The following SEC61A2 variants were observed in gnomAD, a reference collection of about 807,000 sequenced individuals.
SEC61A2 encodes SEC61 translocon subunit alpha 2, also known as protein transport protein Sec61 subunit alpha isoform 2.
A neutral mutation model predicts 59.9 loss-of-function variants in SEC61A2; 28 were observed. The observed-to-expected ratio is 0.47, with a 90% CI of 0.35 to 0.64. The LOEUF is 0.64. Among genes scored for constraint, SEC61A2 ranks in the 30% least tolerant of loss-of-function variants. The pLI is 0.01. For missense variants in SEC61A2, 340 were observed against 585.9 expected, an observed-to-expected ratio of 0.58 and a Z score of 4.33; for synonymous variants, 202 against 214.4, an observed-to-expected ratio of 0.94 and a Z score of 0.50.
rs759356867 is a variant in SEC61A2 at position 12,149,617 on chromosome 10, C to T, written c.243C>T (p.Ile81=). Residue 81 remains isoleucine, a synonymous_variant, in exon 5 of 12, where the codon ATC becomes ATT. Coordinates refer to ENST00000298428, the MANE Select transcript of SEC61A2 (RefSeq NM_018144.4). The surrounding 1 kb of genome is among the most constrained non-coding windows in gnomAD (Gnocchi z 5.2). ...CAGGAACTTTAATGGAATTGGGTAT[C>T]TCCCCAATTGTAACATCTGGTTTGA... ...SNRGTLMELG[I]SPIVTSGLIM... 1 of 1,609,396 alleles carries T rather than the reference C, an allele frequency of 6.2e-7. No individual in the cohort carries two copies. The highest frequency in any genetic ancestry group is 8.5e-7 in the Non-Finnish European group (1 of 1,178,350).
chr10:12,147,839 A>T (rs1834177701), intron 4 of SEC61A2, among the ~76,000 whole-genome samples: 1 of 152,034 alleles, frequency 6.6e-6, no homozygotes, highest in Non-Finnish European at 1.5e-5. Context: ...CATATTTCTT[A>T]TATCAAATAT....
At chr10:12,157,826 T>C in intron 8 of SEC61A2, 82 bp from the exon 9 acceptor site, 1 of 1,325,540 alleles carries the variant, frequency 7.5e-7, no homozygotes, top group Non-Finnish European at 1.1e-6. Flanking sequence ...TCCCCCGCAC[T>C]GTTCTTTGTT....
At chr10:12,135,869 G>T (rs906679892) in intron 2 of SEC61A2, among the ~76,000 whole-genome samples, 1 of 152,144 alleles carries the variant, frequency 6.6e-6, no homozygotes, top group East Asian at 1.9e-4. Context: ...TCATCAAGAA[G>T]CATCTGTGCA....
At chr10:12,150,037 G>T in intron 6 of SEC61A2, 76 bp downstream of exon 6, 1 of 912,124 alleles carries the variant, frequency 1.1e-6, no homozygotes. Context: ...AGTTCTTTAG[G>T]TGATTGGCTT....
rs916820581 is a variant in SEC61A2 at position 12,156,580 on chromosome 10, CCTAAAAACACT to C, written c.617-324_617-314del. On this transcript the variant is annotated intron_variant, in intron 7 of 11. Transcript: ENST00000298428. This position sits in a 1 kb window ranked among gnomAD's most constrained non-coding sequence, Gnocchi z 5.2. ...CTCTGCTTCGCTGCTGTTTATTTTT[CCTAAAAACACT>C]CTCTCCCTTCCCTGAAGTAGAGGAG... Among the ~76,000 whole-genome samples the C allele has an allele frequency of 5.3e-5, 8 of 152,248 alleles. No individual in the cohort carries two copies. The highest frequency in any genetic ancestry group is 1.9e-4 in the African/African-American group (8 of 41,534).
Position 12,164,623 on chromosome 10 carries a change from G to T in SEC61A2, c.*169G>T. 1 of 1,409,724 alleles carries T rather than the reference G, an allele frequency of 7.1e-7. No homozygotes were observed. The highest frequency in any genetic ancestry group is 1.6e-5 in the South Asian group (1 of 63,004). 87.3% of individuals were successfully genotyped at this position (1,409,724 alleles called of 1,614,324 possible). ...CGAGCTAAGTCTGTGTGCAGCATTA[G>T]TACCCGCTGCCTTAAAACTCAAGTT... On this transcript the variant is annotated 3_prime_UTR_variant, in exon 12 of 12. Coordinates refer to ENST00000298428, the MANE Select transcript of SEC61A2 (RefSeq NM_018144.4). This position sits in a 1 kb window ranked among gnomAD's most constrained non-coding sequence, Gnocchi z 7.3.
In SEC61A2 at chr10:12,161,934, T is replaced by A. The variant is rs985699792; in HGVS notation, c.1168-279T>A. Reference sequence around the variant, plus strand: ...AAATTGGTTCCCAAAAGGTAAAAAATTCTTAGATATTACAGTGGTTTGCAA... The same window carrying A: ...AAATTGGTTCCCAAAAGGTAAAAAAATCTTAGATATTACAGTGGTTTGCAA... On this transcript the variant is annotated intron_variant, in intron 10 of 11. Coordinates refer to ENST00000298428, the MANE Select transcript of SEC61A2 (RefSeq NM_018144.4). This position sits in a 1 kb window ranked among gnomAD's most constrained non-coding sequence, Gnocchi z 5.4. Among the ~76,000 whole-genome samples, 3 of 152,046 alleles carry A rather than the reference T, an allele frequency of 2.0e-5. No homozygotes were observed. Among genetic ancestry groups the A allele is most frequent in the Admixed American group, 2.0e-4 (3 of 15,270 alleles).
rs181638834 is a variant in SEC61A2 at position 12,156,938 on chromosome 10, G to A, written c.648G>A (p.Leu216=). 1.5e-5 allele frequency: 24 copies of A among 1,614,000 alleles called. No individual in the cohort carries two copies. The Admixed American group carries it at 1.5e-4, about 10-fold the overall frequency. Residue 216 remains leucine, a synonymous_variant, in exon 8 of 12, where the codon CTG becomes CTA. Coordinates refer to ENST00000298428, the MANE Select transcript of SEC61A2 (RefSeq NM_018144.4). This position sits in a 1 kb window ranked among gnomAD's most constrained non-coding sequence, Gnocchi z 5.2. Reference sequence around the variant, plus strand: ...AGTTTGAGGGTGCAGTCATAGCTCTGTTCCATTTGTTGGCCACCAGGACGG... The same window carrying A: ...AGTTTGAGGGTGCAGTCATAGCTCTATTCCATTTGTTGGCCACCAGGACGG... ...GTEFEGAVIA[L]FHLLATRTDK...
Position 12,153,127 on chromosome 10 carries a change from A to G in SEC61A2, c.463-2651A>G, listed in dbSNP as rs947348250. The stretch of plus-strand genomic sequence containing the variant: ...CCATTTACAAATCACTTGATTGGCA[A>G]ATTTACAGCCCTTGGGAATTAGGGA... On this transcript the variant is annotated intron_variant, in intron 6 of 11. Coordinates refer to ENST00000298428, the MANE Select transcript of SEC61A2 (RefSeq NM_018144.4). The surrounding 1 kb of genome is among the most constrained non-coding windows in gnomAD (Gnocchi z 5.2). Among the ~76,000 whole-genome samples the G allele has an allele frequency of 2.6e-5, 4 of 152,224 alleles. No homozygotes were observed. The highest frequency in any genetic ancestry group is 9.6e-5 in the African/African-American group (4 of 41,548).
chr10:12,151,370 G>A (rs1342570343), intron 6 of SEC61A2, among the ~76,000 whole-genome samples: 2 of 148,530 alleles, frequency 1.3e-5, no homozygotes, highest in East Asian at 3.9e-4. Flanking sequence ...GAAGTGCAGT[G>A]GCACGATCTC....
Position 12,143,369 on chromosome 10 carries a change from G to C in SEC61A2, c.220+174G>C, listed in dbSNP as rs956782753. Among the ~76,000 whole-genome samples the C allele has an allele frequency of 1.3e-5, 2 of 152,150 alleles. No individual in the cohort carries two copies. The highest frequency in any genetic ancestry group is 2.4e-5 in the African/African-American group (1 of 41,444). Reference sequence around the variant, plus strand: ...GATTAATGTAATCATAGAGAAATCTGTTCTTGGGTTTTCATGGACTGGAAA... The same window carrying C: ...GATTAATGTAATCATAGAGAAATCTCTTCTTGGGTTTTCATGGACTGGAAA... On this transcript the variant is annotated intron_variant, in intron 4 of 11. Transcript: ENST00000298428. This position sits in a 1 kb window ranked among gnomAD's most constrained non-coding sequence, Gnocchi z 4.8.
chr10:12,149,799 T>G lies in SEC61A2; in HGVS notation c.353-53T>G. On this transcript the variant is annotated intron_variant, in intron 5 of 11. Coordinates refer to ENST00000298428, the MANE Select transcript of SEC61A2 (RefSeq NM_018144.4). This position sits in a 1 kb window ranked among gnomAD's most constrained non-coding sequence, Gnocchi z 5.2. ...CGTGGTAAAGATGTTTTCTCTAGTCTTTTCTTGTCTTTGGTGGTAAGCGTG... is the reference window on the plus strand; with the variant it reads ...CGTGGTAAAGATGTTTTCTCTAGTCGTTTCTTGTCTTTGGTGGTAAGCGTG... 6.2e-7 allele frequency: 1 copy of G among 1,606,918 alleles called. No homozygotes were observed. The highest frequency in any genetic ancestry group is 8.5e-7 in the Non-Finnish European group (1 of 1,175,526).
chr10:12,134,219 G>C (rs1465312431), intron 2 of SEC61A2, among the ~76,000 whole-genome samples: 1 of 151,736 alleles, frequency 6.6e-6, no homozygotes, highest in Non-Finnish European at 1.5e-5. Context: ...GTGTTAGCCA[G>C]GATGGTCTCG....
downstream of SEC61A2, chr10:12,169,292 G>C: frequency 6.4e-7 from 1 of 1,554,970 alleles, no homozygotes; most frequent in Non-Finnish European, 8.7e-7. The surrounding 1 kb of genome is among the most constrained non-coding windows in gnomAD (Gnocchi z 4.8). Context: ...GAAGGGAGAA[G>C]GAAGACATTT....
In SEC61A2 at chr10:12,154,242, A is replaced by C. The variant is rs1834345885; in HGVS notation, c.463-1536A>C. Among the ~76,000 whole-genome samples the C allele has an allele frequency of 6.6e-6, 1 of 152,094 alleles. No individual in the cohort carries two copies. Among genetic ancestry groups the C allele is most frequent in the South Asian group, 2.1e-4 (1 of 4,818 alleles). ...GGCTTTTATTCCCTTAATTATAGAAACCGTTTCTCATTTCTGTATAATTTC... is the reference window on the plus strand; with the variant it reads ...GGCTTTTATTCCCTTAATTATAGAACCCGTTTCTCATTTCTGTATAATTTC... On this transcript the variant is annotated intron_variant, in intron 6 of 11. Transcript: ENST00000298428. The surrounding 1 kb of genome is among the most constrained non-coding windows in gnomAD (Gnocchi z 5.2).
rs576925398 is a variant in SEC61A2 at position 12,142,906 on chromosome 10, A to T, written c.142-211A>T. Among the ~76,000 whole-genome samples the T allele has an allele frequency of 3.3e-5, 5 of 152,144 alleles. No individual in the cohort carries two copies. Among genetic ancestry groups the T allele is most frequent in the Admixed American group, 2.6e-4 (4 of 15,264 alleles). On this transcript the variant is annotated intron_variant, in intron 3 of 11. Transcript: ENST00000298428. The surrounding 1 kb of genome is among the most constrained non-coding windows in gnomAD (Gnocchi z 5.4). The stretch of plus-strand genomic sequence containing the variant: ...GTTGAAGAACATAAGAATAGTTTTT[A>T]AAAAAGTATTGCAAGCAGTAAGTGA...
chr10:12,130,171 GA>G (rs1198081089), intron 1 of SEC61A2, among the ~76,000 whole-genome samples: 1 of 152,192 alleles, frequency 6.6e-6, no homozygotes, highest in Non-Finnish European at 1.5e-5. Context: ...ATGTTGCATT[GA>G]AGAAAGCTCC....
At position 12,158,248 on chromosome 10, in the gene SEC61A2, T is replaced by C. The variant is rs1284589976; in HGVS notation, c.975+143T>C. On this transcript the variant is annotated intron_variant, in intron 9 of 11. Transcript: ENST00000298428. The surrounding 1 kb of genome is among the most constrained non-coding windows in gnomAD (Gnocchi z 5.7). ...CCTATATAGCAGAGTTTAGTACTTATCTGGAAGAACTGGTAAGTGTTGCAG... is the reference window on the plus strand; with the variant it reads ...CCTATATAGCAGAGTTTAGTACTTACCTGGAAGAACTGGTAAGTGTTGCAG... 10 of 672,764 alleles carry C rather than the reference T, an allele frequency of 1.5e-5. No homozygotes were observed. The highest frequency in any genetic ancestry group is 8.6e-5 in the East Asian group (3 of 35,024). The allele number at this position is 672,764 out of a possible 1,614,324, so 41.7% of individuals were successfully genotyped here.
At position 12,143,898 on chromosome 10, in the gene SEC61A2, A is replaced by G. The variant is rs1231207301; in HGVS notation, c.220+703A>G. Among the ~76,000 whole-genome samples the G allele has an allele frequency of 6.6e-6, 1 of 152,086 alleles. No individual in the cohort carries two copies. Among genetic ancestry groups the G allele is most frequent in the Non-Finnish European group, 1.5e-5 (1 of 67,998 alleles). ...CGTGAGGTTTCTTACATTTAGGAACAGTGGTTGCCTCTTTTTTGGAAACAC... is the reference window on the plus strand; with the variant it reads ...CGTGAGGTTTCTTACATTTAGGAACGGTGGTTGCCTCTTTTTTGGAAACAC... On this transcript the variant is annotated intron_variant, in intron 4 of 11. Coordinates refer to ENST00000298428, the MANE Select transcript of SEC61A2 (RefSeq NM_018144.4). The surrounding 1 kb of genome is among the most constrained non-coding windows in gnomAD (Gnocchi z 4.8).
Sources: allele counts gnomAD v4.1 joint callset (sites outside exome capture counted in the v4.1 genomes callset), GRCh38; gene constraint gnomAD v4.1.1; non-coding constraint Gnocchi (gnomAD v3.1); transcripts MANE v1.5; gene names NCBI Gene and HGNC (gene_info 2026-07-23, HGNC 2026-07-21).